The following RCN2 variants were observed in gnomAD, a reference collection of about 807,000 sequenced individuals.
RCN2 encodes the protein reticulocalbin-2.
RCN2 carries 23 observed loss-of-function variants against 37.5 expected under a neutral mutation model. That is an observed-to-expected ratio of 0.61 (90% CI 0.44 to 0.87). RCN2 has a LOEUF of 0.87. Among genes scored for constraint, RCN2 ranks in the 40% least tolerant of loss-of-function variants. RCN2 has a pLI of 0.00. For synonymous variants in RCN2, 140 were observed against 144.6 expected, an observed-to-expected ratio of 0.97 and a Z score of 0.23; for missense variants, 381 against 390.4, an observed-to-expected ratio of 0.98 and a Z score of 0.20.
At chr15:76,941,515 C>T (rs953371674) in intron 3 of RCN2, 3 of 443,528 alleles carry the variant, frequency 6.8e-6, no homozygotes, top group African/African-American at 6.1e-5. Flanking sequence ...ATTATGGTAG[C>T]TTTTTTATTA....
chr15:76,949,043 T>C, intron 6 of RCN2, 27 bp from the exon 7 acceptor site: 1 of 1,572,176 alleles, frequency 6.4e-7, no homozygotes, highest in Non-Finnish European at 8.6e-7. Flanking sequence ...CTTATTACAC[T>C]TGACACTTTT....
chr15:76,945,498 G>A (rs2152651458), intron 4 of RCN2, among the ~76,000 whole-genome samples: 1 of 152,138 alleles, frequency 6.6e-6, no homozygotes, highest in South Asian at 2.1e-4. Flanking sequence ...CAAAACTTTT[G>A]TTGAATTGTA....
At chr15:76,948,912 T>C (rs140459727) in intron 6 of RCN2, 158 bp from the exon 7 acceptor site, 268 of 688,228 alleles carry the variant, frequency 3.9e-4, no homozygotes, top group African/African-American at 3.8e-3. Context: ...GGAAAAGCAG[T>C]AGACGGACCT....
chr15:76,933,712 C>G (rs28405838), intron 2 of RCN2, among the ~76,000 whole-genome samples: 15,849 of 152,216 alleles, frequency 0.1, 853 homozygotes, highest in East Asian at 0.12. Context: ...TTTCTGATCC[C>G]TGTTCCATTC....
At chr15:76,940,297 C>A (rs2075271411) in intron 3 of RCN2, among the ~76,000 whole-genome samples, 1 of 148,260 alleles carries the variant, frequency 6.7e-6, no homozygotes. Context: ...AAACCTTGTC[C>A]CTTTAAAAAA....
chr15:76,947,387 CTT>C (rs3215250), intron 4 of RCN2, 32 bp from the exon 5 acceptor site: 2 of 1,275,804 alleles, frequency 1.6e-6, no homozygotes, highest in East Asian at 2.5e-5. Context: ...CATTTTGTAA[CTT>C]TTTTTTTTCT....
chr15:76,943,954 T>C lies in RCN2; in HGVS notation c.561+83T>C, dbSNP rs7176638. 92 of 636,358 alleles carry C rather than the reference T, an allele frequency of 1.4e-4. No individual in the cohort carries two copies. The African/African-American group carries it at 1.7e-3, about 11-fold the overall frequency. 39.4% of individuals were successfully genotyped at this position (636,358 alleles called of 1,614,324 possible). A position where few individuals can be genotyped will look rare whatever the true frequency, so the allele number is the denominator to read the frequency against. On this transcript the variant is annotated intron_variant, in intron 4 of 6. Transcript: ENST00000394885. ...ATTTAAAATTTTTGTGGGTACATAG[T>C]AGGTATATATGTTTATGGGATACAT...
Position 76,950,294 on chromosome 15 carries a change from A to G in RCN2, c.*1072A>G, listed in dbSNP as rs1182068008. 1 of 137,588 alleles carries G rather than the reference A, an allele frequency of 7.3e-6. No homozygotes were observed. Among genetic ancestry groups the G allele is most frequent in the Middle Eastern group, 3.4e-3 (1 of 298 alleles). The allele number at this position is 137,588 out of a possible 1,614,324, so 8.5% of individuals were successfully genotyped here. On this transcript the variant is annotated 3_prime_UTR_variant, in exon 7 of 7. Transcript: ENST00000394885. ...AATTTTAACCTAATTCAGCAGGTCAACTTATTTAACTTTGGTGGAGGTGGG... is the reference window on the plus strand; with the variant it reads ...AATTTTAACCTAATTCAGCAGGTCAGCTTATTTAACTTTGGTGGAGGTGGG...
intron 3 of RCN2, chr15:76,941,434 A>G: frequency 2.4e-6 from 1 of 409,826 alleles, no homozygotes; most frequent in Non-Finnish European, 4.3e-6. Context: ...TTCCTCATGT[A>G]GAATCATTAG....
chr15:76,947,729 A>G (rs1259451492), intron 5 of RCN2: 1 of 454,588 alleles, frequency 2.2e-6, no homozygotes, highest in African/African-American at 2.1e-5. Context: ...CCGTGTCTAG[A>G]GTCAAACATT....
At chr15:76,947,239 T>G (rs1001175701) in intron 4 of RCN2, among the ~76,000 whole-genome samples, 182 bp from the exon 5 acceptor site, 4 of 152,224 alleles carry the variant, frequency 2.6e-5, no homozygotes, top group Non-Finnish European at 5.9e-5. Flanking sequence ...AGGATTGTCT[T>G]GAAGATATGG....
At chr15:76,938,749 C>T (rs1204392473) in intron 3 of RCN2, 1 of 455,972 alleles carries the variant, frequency 2.2e-6, no homozygotes, top group Non-Finnish European at 4.4e-6. Flanking sequence ...GTTTGGGGCT[C>T]CATCCTCAGA....
At chr15:76,937,617 A>G (rs2075257872) in intron 3 of RCN2, among the ~76,000 whole-genome samples, 2 of 152,074 alleles carry the variant, frequency 1.3e-5, no homozygotes, top group African/African-American at 4.8e-5. Flanking sequence ...CATCTTGCCC[A>G]GGCTAGTCTC....
At chr15:76,940,091 A>G (rs962707826) in intron 3 of RCN2, among the ~76,000 whole-genome samples, 1 of 151,608 alleles carries the variant, frequency 6.6e-6, no homozygotes, top group African/African-American at 2.4e-5. Context: ...GAACACTTCA[A>G]TGGGAGTCCT....
In RCN2 at chr15:76,952,507, T is replaced by C. The variant is rs1296745999; in HGVS notation, c.*3285T>C. 6.6e-6 allele frequency: 1 copy of C among 152,230 alleles called. No homozygotes were observed. The highest frequency in any genetic ancestry group is 1.5e-5 in the Non-Finnish European group (1 of 68,040). 9.4% of individuals were successfully genotyped at this position (152,230 alleles called of 1,614,324 possible). A position where few individuals can be genotyped will look rare whatever the true frequency, so the allele number is the denominator to read the frequency against. On this transcript the variant is annotated 3_prime_UTR_variant, in exon 7 of 7. Coordinates refer to ENST00000394885, the MANE Select transcript of RCN2 (RefSeq NM_002902.3). ...GGTATGGTATTAAATACAGTCAAAA[T>C]GTGAAACTATTACCACCTTCCATCT...
At position 76,948,428 on chromosome 15, in the gene RCN2, A is replaced by AATGG; in HGVS notation, c.680_683dup (p.Ile228MetfsTer5). The AATGG allele has an allele frequency of 6.2e-7, 1 of 1,604,330 alleles. No homozygotes were observed. Among genetic ancestry groups the AATGG allele is most frequent in the Non-Finnish European group, 8.5e-7 (1 of 1,174,554 alleles). On this transcript the variant is annotated frameshift_variant, in exon 6 of 7. Transcript: ENST00000394885. ...TATTAAGCTGCAAATGAAGATCCAG[A>AATGG]ATGGATACTTGTTGAGAAAGACAGA...
rs1313819634 is a variant in RCN2, at chr15:76,951,510, C to T, written c.*2288C>T. On this transcript the variant is annotated 3_prime_UTR_variant, in exon 7 of 7. Coordinates refer to ENST00000394885, the MANE Select transcript of RCN2 (RefSeq NM_002902.3). ...GGTTGTGCTTTTTTGTTTTTAACCA[C>T]AGCAGAGCCCATCCTGCTGTGACTG... 1 of 152,300 alleles carries T rather than the reference C, an allele frequency of 6.6e-6. No homozygotes were observed. The highest frequency in any genetic ancestry group is 2.4e-5 in the African/African-American group (1 of 41,568). 9.4% of individuals were successfully genotyped at this position (152,300 alleles called of 1,614,324 possible).
chr15:76,941,456 A>G, intron 3 of RCN2: 1 of 426,410 alleles, frequency 2.3e-6, no homozygotes, highest in Non-Finnish European at 4.2e-6. Context: ...CTACCAAAAG[A>G]TGGCAGTTTT....
intron 2 of RCN2, among the ~76,000 whole-genome samples, chr15:76,935,064 C>T (rs2075241131): frequency 1.3e-5 from 2 of 152,154 alleles, no homozygotes; most frequent in African/African-American, 4.8e-5. Context: ...GTGGCTCACG[C>T]CTGTAATCCC....
Sources: gnomAD v4.1 joint callset for allele counts (sites outside exome capture counted in the v4.1 genomes callset) on GRCh38, gnomAD v4.1.1 for gene constraint, MANE v1.5 for transcripts, NCBI Gene and HGNC (gene_info 2026-07-23, HGNC 2026-07-21) for gene names.